Variants in DACH2 observed in about 807,000 individuals in gnomAD.
The protein encoded by DACH2 is dachshund homolog 2.
A neutral mutation model predicts 35.8 loss-of-function variants in DACH2; 17 were observed. The observed-to-expected ratio is 0.48, with a 90% CI of 0.33 to 0.71. The LOEUF (loss-of-function observed/expected upper bound fraction) is 0.71. Among genes scored for constraint, DACH2 ranks in the 30% least tolerant of loss-of-function variants. The probability of loss-of-function intolerance (pLI) is 0.02; values close to 1 mark genes in which losing one functional copy is unlikely to be tolerated. For synonymous variants in DACH2, 195 were observed against 177.3 expected (o/e 1.10, Z -0.79); for missense variants, 469 against 472.7 (o/e 0.99, Z 0.07).
In DACH2 at chrX:86,795,345, C is replaced by T. The variant is rs370169194; in HGVS notation, c.1241-17511C>T. Among the ~76,000 whole-genome samples the T allele has an allele frequency of 1.9e-4, 20 of 107,983 alleles. No homozygotes were observed. In the East Asian group the frequency reaches 4.1e-3, roughly 22 times the overall value. The allele number at this position is 107,983 out of a possible 115,157, so 93.8% of individuals were successfully genotyped here. On this transcript the variant is annotated intron_variant, in intron 7 of 11. Transcript: ENST00000373125. ...ATCTCCTGGGTTCATGCCATTCTTC[C>T]GCCTCAGCCTCCCGAGTAACTGGGA... is the stretch of plus-strand genomic sequence containing the variant.
At chrX:86,284,482 TG>T (rs749280858) in intron 1 of DACH2, among the ~76,000 whole-genome samples, 158 of 111,727 alleles carry the variant, frequency 1.4e-3, no homozygotes, top group Admixed American at 3.0e-3. Context: ...TGTTGAATTT[TG>T]TTTGCTAGTA....
Position 86,282,935 on chromosome X carries a change from G to A in DACH2, c.489-93889G>A, listed in dbSNP as rs1372233004. 4.4e-4 allele frequency among the ~76,000 whole-genome samples: 19 copies of A among 43,068 alleles called. 6 individuals are homozygous for A. Among genetic ancestry groups the A allele is most frequent in the African/African-American group, 8.4e-4 (4 of 4,737 alleles). 37.4% of individuals were successfully genotyped at this position (43,068 alleles called of 115,157 possible). On this transcript the variant is annotated intron_variant, in intron 1 of 11. Coordinates refer to ENST00000373125, the MANE Select transcript of DACH2 (RefSeq NM_053281.3). ...TGGGACTACAGGCGCCCGCCACTAC[G>A]CCCGGCTAATTTTTTGTATTTTTTA... is the stretch of plus-strand genomic sequence containing the variant.
rs140747201 is a variant in DACH2, at chrX:86,174,119, GTTT to G, written c.488+25030_488+25032del. ...GGTGGCAGAGTTCAAGAGTACAGTTGTTTTTTTTTTTTTTTTTTTTTGAGACAG... is the reference window on the plus strand; with the variant it reads ...GGTGGCAGAGTTCAAGAGTACAGTTGTTTTTTTTTTTTTTTTTTGAGACAG... On this transcript the variant is annotated intron_variant, in intron 1 of 11. Transcript: ENST00000373125. Among the ~76,000 whole-genome samples, 216 of 71,733 alleles carry G rather than the reference GTTT, an allele frequency of 3.0e-3. 1 individual carries two copies. Among genetic ancestry groups the G allele is most frequent in the African/African-American group, 0.01 (186 of 18,131 alleles). The allele number at this position is 71,733 out of a possible 115,157, so 62.3% of individuals were successfully genotyped here. A position where few individuals can be genotyped will look rare whatever the true frequency, so the allele number is the denominator to read the frequency against.
At chrX:86,323,297 T>A (rs1189414849) in intron 1 of DACH2, among the ~76,000 whole-genome samples, 1 of 111,782 alleles carries the variant, frequency 8.9e-6, no homozygotes, top group African/African-American at 3.3e-5. Flanking sequence ...GAAAAAGAAA[T>A]AGCCTACATG....
At chrX:86,180,009 A>T (rs1174877575) in intron 1 of DACH2, among the ~76,000 whole-genome samples, 1 of 107,343 alleles carries the variant, frequency 9.3e-6, no homozygotes, top group Non-Finnish European at 1.9e-5. Flanking sequence ...CTGCCTCCAG[A>T]CACTGATTGT....
At chrX:86,521,165 G>A (rs781173102) in intron 3 of DACH2, among the ~76,000 whole-genome samples, 2 of 111,601 alleles carry the variant, frequency 1.8e-5, no homozygotes, top group African/African-American at 3.3e-5. Flanking sequence ...AGGAAGCTAC[G>A]TTTGGCTGGA....
At chrX:86,748,918 C>T (rs1314862980) in intron 7 of DACH2, among the ~76,000 whole-genome samples, 3 of 111,681 alleles carry the variant, frequency 2.7e-5, no homozygotes, top group Non-Finnish European at 5.7e-5. Flanking sequence ...TTATGGATAA[C>T]TTGCTGCAGC....
intron 6 of DACH2, among the ~76,000 whole-genome samples, chrX:86,736,808 A>G (rs2041601378): frequency 9.0e-6 from 1 of 111,360 alleles, no homozygotes; most frequent in South Asian, 3.7e-4. Context: ...TTATTTTTTC[A>G]CAATAACTGC....
intron 1 of DACH2, chrX:86,184,495 CT>C (rs757279877): frequency 0.014 from 1,550 of 111,314 alleles, 21 homozygotes; most frequent in Non-Finnish European, 0.023. Context: ...AGGAGACATC[CT>C]TTTGTTTTTA....
intron 2 of DACH2, among the ~76,000 whole-genome samples, chrX:86,416,901 C>T (rs1239974042): frequency 9.1e-6 from 1 of 109,370 alleles, no homozygotes; most frequent in African/African-American, 3.3e-5. Flanking sequence ...GATTTCGAGC[C>T]TGGCCAATAT....
chrX:86,428,770 A>G (rs1199540273), intron 2 of DACH2, among the ~76,000 whole-genome samples: 1 of 102,912 alleles, frequency 9.7e-6, no homozygotes, highest in East Asian at 3.1e-4. Context: ...AGGTTTTTTG[A>G]AAAAAAAAAA....
chrX:86,649,027 T>G (rs2040447857), intron 3 of DACH2, among the ~76,000 whole-genome samples: 1 of 110,386 alleles, frequency 9.1e-6, no homozygotes, highest in Non-Finnish European at 1.9e-5. Context: ...CTTGGTCTTC[T>G]GCTCCATATC....
intron 4 of DACH2, among the ~76,000 whole-genome samples, chrX:86,669,198 C>T (rs754467473): frequency 3.2e-4 from 35 of 109,995 alleles, no homozygotes; most frequent in African/African-American, 1.1e-3. Flanking sequence ...AAATTATATG[C>T]ATTAAGAATA....
intron 1 of DACH2, among the ~76,000 whole-genome samples, chrX:86,235,653 A>G (rs1483432440): frequency 8.9e-6 from 1 of 112,251 alleles, no homozygotes; most frequent in Non-Finnish European, 1.9e-5. Flanking sequence ...ACTTTGTTTC[A>G]TGCACAAAAT....
At chrX:86,548,468 A>T (rs993956695) in intron 3 of DACH2, among the ~76,000 whole-genome samples, 5 of 112,400 alleles carry the variant, frequency 4.4e-5, no homozygotes, top group Non-Finnish European at 9.4e-5. Context: ...GAAATAATTT[A>T]CAGTTGCTTA....
At chrX:86,553,472 A>G (rs1291567273) in intron 3 of DACH2, among the ~76,000 whole-genome samples, 2 of 111,725 alleles carry the variant, frequency 1.8e-5, no homozygotes, top group Non-Finnish European at 3.8e-5. Context: ...AGACACACCC[A>G]GGAACAATAC....
intron 5 of DACH2, among the ~76,000 whole-genome samples, chrX:86,709,448 A>T (rs1212482992): frequency 8.9e-6 from 1 of 112,240 alleles, no homozygotes; most frequent in Non-Finnish European, 1.9e-5. Flanking sequence ...AAAACTCTGA[A>T]TCTATTAGAA....
chrX:86,526,228 A>G (rs902934341), intron 3 of DACH2, among the ~76,000 whole-genome samples: 9 of 111,923 alleles, frequency 8.0e-5, no homozygotes, highest in Non-Finnish European at 1.3e-4. Context: ...GCAGAGCAAA[A>G]TAGAGTGTCT....
intron 7 of DACH2, among the ~76,000 whole-genome samples, chrX:86,774,300 C>T (rs1188583695): frequency 2.7e-5 from 3 of 111,793 alleles, no homozygotes; most frequent in African/African-American, 9.7e-5. Context: ...TCACAGCCCC[C>T]CTTTTAAAAC....
Sources: allele counts gnomAD v4.1 joint callset (sites outside exome capture counted in the v4.1 genomes callset), GRCh38; gene constraint gnomAD v4.1.1; transcripts MANE v1.5; gene names NCBI Gene and HGNC (gene_info 2026-07-23, HGNC 2026-07-21).